PTF1A: variants seen among roughly 807,000 people sequenced by gnomAD.
PTF1A encodes the protein pancreas associated transcription factor 1a, also known as pancreas transcription factor 1 subunit alpha.
PTF1A carries 18 observed loss-of-function variants against 22.6 expected under a neutral mutation model. The ratio of observed to expected loss-of-function variants is 0.80; its 90% CI spans 0.55 to 1.18. PTF1A has a LOEUF of 1.18. Among genes scored for constraint, PTF1A ranks in the 50% most tolerant of loss-of-function variants. The probability of loss-of-function intolerance (pLI) is 0.00; values close to 1 mark genes in which losing one functional copy is unlikely to be tolerated. For synonymous variants in PTF1A, 259 were observed against 227.9 expected (o/e 1.14, Z -1.23); for missense variants, 477 against 473.0 (o/e 1.01, Z -0.08).
Position 23,192,461 on chromosome 10 carries a change from G to C in PTF1A, c.-70G>C, listed in dbSNP as rs2131679277. ...GGCCCCGGGAGGGAGGGGCTCGGAC[G>C]GGCCTTAGAAACTCACCAAGAACTA... On this transcript the variant is annotated 5_prime_UTR_variant, in exon 1 of 2. Coordinates refer to ENST00000376504, the MANE Select transcript of PTF1A (RefSeq NM_178161.3). 1.3e-6 allele frequency: 2 copies of C among 1,574,756 alleles called. No homozygotes were observed. The highest frequency in any genetic ancestry group is 1.7e-6 in the Non-Finnish European group (2 of 1,168,522).
intron 1 of PTF1A, 143 bp from the exon 2 acceptor site, chr10:23,193,561 A>G: frequency 1.2e-6 from 1 of 806,016 alleles, no homozygotes; most frequent in South Asian, 1.5e-5. Flanking sequence ...CTGGGAGGGG[A>G]CGGTGGGGAC....
In PTF1A at chr10:23,193,184, C is replaced by G. The variant is rs886046910; in HGVS notation, c.654C>G (p.Leu218=). ...GCTACATCAACTTCCTCAGCGAGCT[C>G]GTGCAGGCCGACCTGCCCTTGCGCG... ...AIGYINFLSE[L]VQADLPLRGG... is the part of the protein sequence containing the mutation. The change falls in exon 1 of 2, where the codon CTC becomes CTG. Residue 218 remains leucine, a synonymous_variant. Transcript: ENST00000376504. The G allele has an allele frequency of 2.9e-6, 4 of 1,387,742 alleles. No individual in the cohort carries two copies. The highest frequency in any genetic ancestry group is 2.0e-4 in the Middle Eastern group (1 of 5,078). The allele number at this position is 1,387,742 out of a possible 1,614,324, so 86.0% of individuals were successfully genotyped here.
rs766485502 is a variant in PTF1A, at chr10:23,192,811, A to ACGGCGGCGG, written c.289_297dup (p.Gly97_Gly99dup). The ACGGCGGCGG allele has an allele frequency of 7.7e-7, 1 of 1,301,644 alleles. No homozygotes were observed. The highest frequency in any genetic ancestry group is 1.5e-5 in the African/African-American group (1 of 64,600). The allele number at this position is 1,301,644 out of a possible 1,614,324, so 80.6% of individuals were successfully genotyped here. A position where few individuals can be genotyped will look rare whatever the true frequency, so the allele number is the denominator to read the frequency against. Reference sequence around the variant, plus strand: ...TCGGGGGGCCTCGGTGAGCCAGACGACGGCGGCGGCGGCGGCTACTGCTGC... The same window carrying ACGGCGGCGG: ...TCGGGGGGCCTCGGTGAGCCAGACGACGGCGGCGGCGGCGGCGGCGGCGGCTACTGCTGC... On this transcript the variant is annotated inframe_insertion, in exon 1 of 2. Transcript: ENST00000376504.
chr10:23,192,424 G>A lies in PTF1A; in HGVS notation c.-107G>A. On this transcript the variant is annotated 5_prime_UTR_variant, in exon 1 of 2. Coordinates refer to ENST00000376504, the MANE Select transcript of PTF1A (RefSeq NM_178161.3). ...CGGGCAGCCCGGCGGCCGCCTAGCT[G>A]CCCCCAGCCAGGGCCCCGGGAGGGA... is the stretch of plus-strand genomic sequence containing the variant. 1 of 1,491,644 alleles carries A rather than the reference G, an allele frequency of 6.7e-7. No individual in the cohort carries two copies. Among genetic ancestry groups the A allele is most frequent in the Non-Finnish European group, 8.9e-7 (1 of 1,118,030 alleles). The allele number at this position is 1,491,644 out of a possible 1,614,324, so 92.4% of individuals were successfully genotyped here.
At position 23,192,490 on chromosome 10, in the gene PTF1A, C is replaced by T; in HGVS notation, c.-41C>T. On this transcript the variant is annotated 5_prime_UTR_variant, in exon 1 of 2. In the 5' UTR this introduces an upstream ATG that the reference lacks. Transcript: ENST00000376504. ...CTTAGAAACTCACCAAGAACTAACA[C>T]GCGCAGCCCGGCAGTCCCGCTGCCC... 3 of 1,592,616 alleles carry T rather than the reference C, an allele frequency of 1.9e-6. No individual in the cohort carries two copies. The highest frequency in any genetic ancestry group is 2.6e-6 in the Non-Finnish European group (3 of 1,174,274).
chr10:23,193,244 C>A lies in PTF1A; in HGVS notation c.714C>A (p.Gly238=). ...GGAGGCGGPG[G]GGRLGGDSPG... The stretch of plus-strand genomic sequence containing the variant: ...CGGGCGGCTGCGGGGGGCCGGGCGG[C>A]GGCGGGCGCCTGGGCGGGGACAGCC... Residue 238 remains glycine, a synonymous_variant, in exon 1 of 2, where the codon GGC becomes GGA. Coordinates refer to ENST00000376504, the MANE Select transcript of PTF1A (RefSeq NM_178161.3). 8.0e-7 allele frequency: 1 copy of A among 1,245,766 alleles called. No homozygotes were observed. The highest frequency in any genetic ancestry group is 1.0e-6 in the Non-Finnish European group (1 of 1,002,664). 77.2% of individuals were successfully genotyped at this position (1,245,766 alleles called of 1,614,324 possible). A position where few individuals can be genotyped will look rare whatever the true frequency, so the allele number is the denominator to read the frequency against.
In PTF1A at chr10:23,193,721, G is replaced by A. The variant is rs139882221; in HGVS notation, c.802G>A (p.Asp268Asn). The change falls in exon 2 of 2, where the codon GAC (aspartate) becomes AAC (asparagine). Residue 268 changes from aspartate (D) to asparagine (N), a missense_variant. Transcript: ENST00000376504. Reference sequence around the variant, plus strand: ...CTGTCCAGGGTCCCCCTCCCCCAGCGACCCTGATTATGGCCTCCCTCCCCT... The same window carrying A: ...CTGTCCAGGGTCCCCCTCCCCCAGCAACCCTGATTATGGCCTCCCTCCCCT... ...HRGTRSPSPS[D>N]PDYGLPPLAG... is the part of the protein sequence containing the mutation. 63 of 1,611,616 alleles carry A rather than the reference G, an allele frequency of 3.9e-5. No homozygotes were observed. The highest frequency in any genetic ancestry group is 5.1e-5 in the Non-Finnish European group (60 of 1,178,156).
chr10:23,193,600 A>G (rs898165049), intron 1 of PTF1A, 104 bp from the exon 2 acceptor site: 22 of 909,344 alleles, frequency 2.4e-5, no homozygotes, highest in African/African-American at 4.9e-5. Flanking sequence ...GGGTGGTTCT[A>G]GTATAACCGG....
intron 1 of PTF1A, 126 bp downstream of exon 1, chr10:23,193,440 T>A: frequency 1.1e-6 from 1 of 947,472 alleles, no homozygotes; most frequent in Non-Finnish European, 1.5e-6. Flanking sequence ...ACGGAAAAAC[T>A]TGAATGCGAG....
intron 1 of PTF1A, 66 bp downstream of exon 1, chr10:23,193,380 G>GCT (rs1435594534): frequency 2.1e-6 from 3 of 1,409,312 alleles, no homozygotes; most frequent in Non-Finnish European, 1.8e-6. Flanking sequence ...GGAGGGGCTG[G>GCT]GGGAGCTGAC....
Position 23,192,394 on chromosome 10 carries a change from G to A in PTF1A, c.-137G>A, listed in dbSNP as rs1232997616. 81 of 1,238,428 alleles carry A rather than the reference G, an allele frequency of 6.5e-5. No individual in the cohort carries two copies. The highest frequency in any genetic ancestry group is 8.3e-5 in the Non-Finnish European group (76 of 920,768). 76.7% of individuals were successfully genotyped at this position (1,238,428 alleles called of 1,614,324 possible). ...GGCCGCGGGCACTCCAGGGAGGCCC[G>A]GGGGCGGGCAGCCCGGCGGCCGCCT... On this transcript the variant is annotated 5_prime_UTR_variant, in exon 1 of 2. Transcript: ENST00000376504.
Position 23,192,865 on chromosome 10 carries a change from C to G in PTF1A, c.335C>G (p.Pro112Arg), listed in dbSNP as rs1840910363. 2 of 1,319,638 alleles carry G rather than the reference C, an allele frequency of 1.5e-6. No homozygotes were observed. The highest frequency in any genetic ancestry group is 2.8e-4 in the Middle Eastern group (1 of 3,584). The allele number at this position is 1,319,638 out of a possible 1,614,324, so 81.7% of individuals were successfully genotyped here. A position where few individuals can be genotyped will look rare whatever the true frequency, so the allele number is the denominator to read the frequency against. The change falls in exon 1 of 2, where the codon CCC (proline) becomes CGC (arginine). Residue 112 changes from proline (P) to arginine (R), a missense_variant. Physicochemically the swap from Pro to Arg is moderately radical, Grantham distance 103. Coordinates refer to ENST00000376504, the MANE Select transcript of PTF1A (RefSeq NM_178161.3). Reference protein sequence around the residue: ...CETGAPPGGFPYSPGSPPSCL... With the variant: ...CETGAPPGGFRYSPGSPPSCL... ...ACGGGGGCGCCCCCAGGCGGCTTCC[C>G]CTACTCGCCCGGCTCGCCGCCCTCG... is the stretch of plus-strand genomic sequence containing the variant.
Position 23,192,411 on chromosome 10 carries a change from C to A in PTF1A, c.-120C>A. Reference sequence around the variant, plus strand: ...GGAGGCCCGGGGGCGGGCAGCCCGGCGGCCGCCTAGCTGCCCCCAGCCAGG... The same window carrying A: ...GGAGGCCCGGGGGCGGGCAGCCCGGAGGCCGCCTAGCTGCCCCCAGCCAGG... On this transcript the variant is annotated 5_prime_UTR_variant, in exon 1 of 2. Transcript: ENST00000376504. The A allele has an allele frequency of 1.4e-6, 2 of 1,406,278 alleles. No individual in the cohort carries two copies. Among genetic ancestry groups the A allele is most frequent in the Non-Finnish European group, 1.9e-6 (2 of 1,059,212 alleles). 87.1% of individuals were successfully genotyped at this position (1,406,278 alleles called of 1,614,324 possible). A position where few individuals can be genotyped will look rare whatever the true frequency, so the allele number is the denominator to read the frequency against.
Position 23,194,077 on chromosome 10 carries a change from A to G in PTF1A, c.*171A>G, listed in dbSNP as rs922892043. The G allele has an allele frequency of 1.7e-6, 1 of 600,714 alleles. No individual in the cohort carries two copies. Among genetic ancestry groups the G allele is most frequent in the African/African-American group, 1.9e-5 (1 of 53,906 alleles). 37.2% of individuals were successfully genotyped at this position (600,714 alleles called of 1,614,324 possible). ...TTGATGAAATAGATGATTTCTTTTT[A>G]AATATATAATTTATATAACTTATCC... is the stretch of plus-strand genomic sequence containing the variant. On this transcript the variant is annotated 3_prime_UTR_variant, in exon 2 of 2. Coordinates refer to ENST00000376504, the MANE Select transcript of PTF1A (RefSeq NM_178161.3).
chr10:23,193,370 G>C (rs1588563213), intron 1 of PTF1A, 56 bp downstream of exon 1: 1 of 1,415,910 alleles, frequency 7.1e-7, no homozygotes, highest in Non-Finnish European at 9.2e-7. Flanking sequence ...CGAAGGCTCC[G>C]GAGGGGCTGG....
In PTF1A at chr10:23,192,426, C is replaced by A; in HGVS notation, c.-105C>A. ...GGCAGCCCGGCGGCCGCCTAGCTGC[C>A]CCCAGCCAGGGCCCCGGGAGGGAGG... On this transcript the variant is annotated 5_prime_UTR_variant, in exon 1 of 2. Coordinates refer to ENST00000376504, the MANE Select transcript of PTF1A (RefSeq NM_178161.3). The A allele has an allele frequency of 6.7e-7, 1 of 1,502,296 alleles. No homozygotes were observed. Among genetic ancestry groups the A allele is most frequent in the Non-Finnish European group, 8.9e-7 (1 of 1,125,206 alleles). 93.1% of individuals were successfully genotyped at this position (1,502,296 alleles called of 1,614,324 possible). A position where few individuals can be genotyped will look rare whatever the true frequency, so the allele number is the denominator to read the frequency against.
chr10:23,192,947 C>G lies in PTF1A; in HGVS notation c.417C>G (p.Arg139=). The change falls in exon 1 of 2, where the codon CGC becomes CGG. Residue 139 remains arginine (R), a synonymous_variant. Transcript: ENST00000376504. The stretch of plus-strand genomic sequence containing the variant: ...TACTGTCTCCCGGGGCGCGGCTGCG[C>G]GGCCTGAGCGGAGCGGCGGCTGCGG... ...AAVLSPGARL[R]GLSGAAAAAA... The G allele has an allele frequency of 8.6e-7, 1 of 1,166,782 alleles. No homozygotes were observed. The allele number at this position is 1,166,782 out of a possible 1,614,324, so 72.3% of individuals were successfully genotyped here.
At position 23,193,711 on chromosome 10, in the gene PTF1A, C is replaced by A. The variant is rs867167533; in HGVS notation, c.792C>A (p.Pro264=). 6 of 1,605,402 alleles carry A rather than the reference C, an allele frequency of 3.7e-6. No homozygotes were observed. In the Middle Eastern group the frequency reaches 5.0e-4, roughly 133 times the overall value. The change falls in exon 2 of 2, where the codon CCC becomes CCA. Residue 264 remains proline (P), a synonymous_variant. Transcript: ENST00000376504. ...CTCTTCTCACCTGTCCAGGGTCCCC[C>A]TCCCCCAGCGACCCTGATTATGGCC... The part of the protein sequence containing the change: ...VIICHRGTRS[P]SPSDPDYGLP...
In PTF1A at chr10:23,192,800, T is replaced by G. The variant is rs1670966039; in HGVS notation, c.270T>G (p.Gly90=). 7.6e-7 allele frequency: 1 copy of G among 1,313,304 alleles called. No individual in the cohort carries two copies. Among genetic ancestry groups the G allele is most frequent in the Non-Finnish European group, 9.6e-7 (1 of 1,037,352 alleles). 81.4% of individuals were successfully genotyped at this position (1,313,304 alleles called of 1,614,324 possible). A position where few individuals can be genotyped will look rare whatever the true frequency, so the allele number is the denominator to read the frequency against. ...ALAPPSSGGL[G]EPDDGGGGGY... is the part of the protein sequence containing the mutation. ...CCCCGCCGTCCTCGGGGGGCCTCGGTGAGCCAGACGACGGCGGCGGCGGCG... is the reference window on the plus strand; with the variant it reads ...CCCCGCCGTCCTCGGGGGGCCTCGGGGAGCCAGACGACGGCGGCGGCGGCG... The change falls in exon 1 of 2, where the codon GGT becomes GGG. Residue 90 remains glycine, a synonymous_variant. Transcript: ENST00000376504.
Sources: gnomAD v4.1 joint callset for allele counts on GRCh38, gnomAD v4.1.1 for gene constraint, MANE v1.5 for transcripts, NCBI Gene and HGNC (gene_info 2026-07-23, HGNC 2026-07-21) for gene names.